Variants in KBTBD3 observed in about 807,000 individuals in gnomAD.
KBTBD3 encodes the protein kelch repeat and BTB domain-containing protein 3.
Under a neutral mutation model 49.6 loss-of-function variants are expected in KBTBD3, and 38 were observed. The ratio of observed to expected loss-of-function variants is 0.77; its 90% confidence interval spans 0.59 to 1.00. The LOEUF is 1.00. Ranked by LOEUF, KBTBD3 falls within the 50% of genes least tolerant of loss-of-function variation. The probability of loss-of-function intolerance (pLI) is 0.00; values close to 1 mark genes in which losing one functional copy is unlikely to be tolerated. For synonymous variants in KBTBD3, 214 were observed against 250.4 expected (o/e 0.85, Z 1.37); for missense variants, 661 against 712.0 (o/e 0.93, Z 0.81).
intron 2 of KBTBD3, among the ~76,000 whole-genome samples, chr11:106,066,777 G>A (rs963437533): frequency 6.8e-6 from 1 of 147,548 alleles, no homozygotes; most frequent in Non-Finnish European, 1.5e-5. Context: ...GTAAGGTTTA[G>A]ATGTATCTTT....
chr11:106,054,222 T>C lies in KBTBD3; in HGVS notation c.467A>G (p.Gln156Arg). The C allele has an allele frequency of 1.2e-6, 2 of 1,612,212 alleles. No homozygotes were observed. Among genetic ancestry groups the C allele is most frequent in the Non-Finnish European group, 1.7e-6 (2 of 1,179,018 alleles). The change falls in exon 4 of 4, where the codon CAG (glutamine) becomes CGG (arginine). Residue 156 changes from glutamine (Q) to arginine (R), a missense_variant. Transcript: ENST00000531837. ...IKSINLVNCL[Q>R]LLSISDSYGS... is the part of the protein sequence containing the mutation. Reference sequence around the variant, plus strand: ...ATAGCTATCTGATATAGATAATAACTGTAAACAATTGACAAGATTAATACT... The same window carrying C: ...ATAGCTATCTGATATAGATAATAACCGTAAACAATTGACAAGATTAATACT...
chr11:106,066,008 T>C (rs933810705), intron 2 of KBTBD3, among the ~76,000 whole-genome samples: 8 of 149,890 alleles, frequency 5.3e-5, no homozygotes, highest in Non-Finnish European at 7.4e-5. Context: ...GAGGAGCATG[T>C]AGATACCAGG....
At position 106,053,077 on chromosome 11, in the gene KBTBD3, CA is replaced by C; in HGVS notation, c.1611del (p.Phe537LeufsTer20). ...DTCVWKGEGS[F>X]ECAGFNAGAI... ...GCACCTGCATTAAAGCCTGCACACT[CA>C]AAAGATCCTTCGCCTTTCCAAACAC... is the stretch of plus-strand genomic sequence containing the variant. On this transcript the variant is annotated frameshift_variant, in exon 4 of 4. Coordinates refer to ENST00000531837, the MANE Select transcript of KBTBD3 (RefSeq NM_198439.3). LOFTEE classifies it high-confidence loss of function. 6.2e-7 allele frequency: 1 copy of C among 1,613,754 alleles called. No homozygotes were observed. The highest frequency in any genetic ancestry group is 8.5e-7 in the Non-Finnish European group (1 of 1,179,816).
At chr11:106,068,399 GA>G (rs751518048) in intron 2 of KBTBD3, among the ~76,000 whole-genome samples, 7 of 152,116 alleles carry the variant, frequency 4.6e-5, no homozygotes, top group Non-Finnish European at 7.4e-5. Context: ...ATAATCCATG[GA>G]TCAAAGAGAA....
intron 3 of KBTBD3, among the ~76,000 whole-genome samples, chr11:106,056,961 G>T (rs2155345): frequency 0.31 from 46,844 of 151,720 alleles, 7,248 homozygotes; most frequent in East Asian, 0.4. Flanking sequence ...AGGGCCCCAG[G>T]GAAGTTCAAA....
At chr11:106,056,276 T>A (rs1039986681) in intron 3 of KBTBD3, among the ~76,000 whole-genome samples, 1 of 152,220 alleles carries the variant, frequency 6.6e-6, no homozygotes, top group Non-Finnish European at 1.5e-5. Context: ...TAATAAAGGA[T>A]CTGATATTTT....
rs1191924923 is a variant in KBTBD3 at position 106,052,688 on chromosome 11, GTATTT to G, written c.*157_*161del. Reference sequence around the variant, plus strand: ...TATAATTTTTGGTAAAATATATTTTGTATTTTAAGTTTTTGGAAACTGTTTATTCA... The same window carrying G: ...TATAATTTTTGGTAAAATATATTTTGTAAGTTTTTGGAAACTGTTTATTCA... On this transcript the variant is annotated 3_prime_UTR_variant, in exon 4 of 4. Coordinates refer to ENST00000531837, the MANE Select transcript of KBTBD3 (RefSeq NM_198439.3). 1 of 543,706 alleles carries G rather than the reference GTATTT, an allele frequency of 1.8e-6. No homozygotes were observed. Among genetic ancestry groups the G allele is most frequent in the East Asian group, 3.0e-5 (1 of 33,474 alleles). The allele number at this position is 543,706 out of a possible 1,614,324, so 33.7% of individuals were successfully genotyped here. A position where few individuals can be genotyped will look rare whatever the true frequency, so the allele number is the denominator to read the frequency against.
chr11:106,060,594 GA>G (rs1860668775), intron 2 of KBTBD3, among the ~76,000 whole-genome samples: 1 of 152,122 alleles, frequency 6.6e-6, no homozygotes, highest in Admixed American at 6.5e-5. Context: ...GCTGTATGCA[GA>G]AAACTGAAAC....
rs576676598 is a variant in KBTBD3 at position 106,070,117 on chromosome 11, C to T, written c.-13+6390G>A. Reference sequence around the variant, plus strand: ...ACTTTATGTAAAAATTAACTCAAAACGGTCATAGATTTAAATGTAAAATAT... The same window carrying T: ...ACTTTATGTAAAAATTAACTCAAAATGGTCATAGATTTAAATGTAAAATAT... On this transcript the variant is annotated intron_variant, in intron 2 of 3. Coordinates refer to ENST00000531837, the MANE Select transcript of KBTBD3 (RefSeq NM_198439.3). 2.9e-4 allele frequency among the ~76,000 whole-genome samples: 44 copies of T among 152,050 alleles called. No individual in the cohort carries two copies. The South Asian group carries it at 5.4e-3, about 19-fold the overall frequency.
Position 106,053,149 on chromosome 11 carries a change from A to G in KBTBD3, c.1540T>C (p.Cys514Arg). 1 of 1,613,578 alleles carries G rather than the reference A, an allele frequency of 6.2e-7. No homozygotes were observed. Among genetic ancestry groups the G allele is most frequent in the South Asian group, 1.1e-5 (1 of 91,068 alleles). ...TAAACCTTATAGGTGGAAAGGTCAC[A>G]TATATACAGTGTACAGTTTACTGGT... ...AVPVNCTLYI[C>R]DLSTYKVYSF... The change falls in exon 4 of 4, where the codon TGT (cysteine) becomes CGT (arginine). Residue 514 changes from cysteine (C) to arginine (R), a missense_variant. By Grantham distance (180) the Cys-to-Arg change is radical. Coordinates refer to ENST00000531837, the MANE Select transcript of KBTBD3 (RefSeq NM_198439.3).
Position 106,073,973 on chromosome 11 carries a change from C to A in KBTBD3, c.-13+2534G>T, listed in dbSNP as rs1007327271. ...GAGGTAAGAGAAGTAGGGTCCAAGTCATTCATTTATTCAACAAATATTAGA... is the reference window on the plus strand; with the variant it reads ...GAGGTAAGAGAAGTAGGGTCCAAGTAATTCATTTATTCAACAAATATTAGA... On this transcript the variant is annotated intron_variant, in intron 2 of 3. Transcript: ENST00000531837. Among the ~76,000 whole-genome samples the A allele has an allele frequency of 2.6e-5, 4 of 152,146 alleles. No homozygotes were observed. In the East Asian group the frequency reaches 7.7e-4, roughly 29 times the overall value.
chr11:106,058,753 T>TTTTTTTTTTTTTTTTTTTTTTA (rs1375718068), intron 3 of KBTBD3, 112 bp downstream of exon 3: 3 of 698,996 alleles, frequency 4.3e-6, no homozygotes, highest in African/African-American at 3.9e-5. Context: ...TTTTTTTTTT[T>TTTTTTTTTTTTTTTTTTTTTTA]AGAATTAAAA....
chr11:106,066,241 TA>T (rs1860809029), intron 2 of KBTBD3, among the ~76,000 whole-genome samples: 1 of 152,216 alleles, frequency 6.6e-6, no homozygotes. Context: ...TAAACACTGA[TA>T]GGCAAACAAA....
chr11:106,058,073 G>A (rs1299013682), intron 3 of KBTBD3: 8 of 398,164 alleles, frequency 2.0e-5, no homozygotes, highest in Non-Finnish European at 3.1e-5. Flanking sequence ...AAAAAAGGTA[G>A]TCTTAAATTC....
chr11:106,055,825 T>C (rs546353027), intron 3 of KBTBD3, among the ~76,000 whole-genome samples: 59 of 152,316 alleles, frequency 3.9e-4, no homozygotes, highest in African/African-American at 1.4e-3. Flanking sequence ...GTATCATTAT[T>C]TTAAAAAATG....
chr11:106,055,496 A>G (rs1860532900), intron 3 of KBTBD3, among the ~76,000 whole-genome samples: 1 of 152,242 alleles, frequency 6.6e-6, no homozygotes, highest in African/African-American at 2.4e-5. Context: ...AATGTTACAC[A>G]TTACGCAGGG....
intron 2 of KBTBD3, among the ~76,000 whole-genome samples, chr11:106,061,842 A>G (rs1410841398): frequency 6.6e-6 from 1 of 151,830 alleles, no homozygotes; most frequent in East Asian, 1.9e-4. Flanking sequence ...ATACATATGT[A>G]TAGTACAAAT....
intron 2 of KBTBD3, among the ~76,000 whole-genome samples, chr11:106,060,162 T>C (rs947881378): frequency 4.6e-5 from 7 of 151,956 alleles, no homozygotes; most frequent in African/African-American, 7.3e-5. Flanking sequence ...TGTTTTTTTT[T>C]TCTGAGAACA....
intron 2 of KBTBD3, among the ~76,000 whole-genome samples, chr11:106,060,987 T>C (rs1037767514): frequency 6.6e-6 from 1 of 152,116 alleles, no homozygotes; most frequent in Admixed American, 6.5e-5. Context: ...GCAAAGAATA[T>C]GACACCTCTC....
Sources: gnomAD v4.1 joint callset for allele counts (sites outside exome capture counted in the v4.1 genomes callset) on GRCh38, gnomAD v4.1.1 for gene constraint, MANE v1.5 for transcripts, NCBI Gene and HGNC (gene_info 2026-07-23, HGNC 2026-07-21) for gene names.